FAXDC2: variants seen among roughly 807,000 people sequenced by gnomAD.
FAXDC2 encodes the protein fatty acid hydroxylase domain containing 2, also known as fatty acid hydroxylase domain-containing protein 2.
Under a neutral mutation model 40.9 loss-of-function variants are expected in FAXDC2, and 41 were observed. That is an observed-to-expected ratio of 1.00 (90% CI 0.78 to 1.30). FAXDC2 has a LOEUF of 1.30. Ranked by LOEUF, FAXDC2 falls within the 50% of genes most tolerant of loss-of-function variation. FAXDC2 has a pLI of 0.00. For missense variants in FAXDC2, 390 were observed against 408.8 expected (o/e 0.95, Z 0.40); for synonymous variants, 157 against 149.3 (o/e 1.05, Z -0.38).
chr5:154,835,282 C>CGGCGA, intron 2 of FAXDC2: 3 of 220,618 alleles, frequency 1.4e-5, no homozygotes, highest in South Asian at 7.6e-5. Flanking sequence ...AATGGAGATA[C>CGGCGA]CCATTATCTA....
chr5:154,832,422 C>T (rs113153587), intron 4 of FAXDC2, among the ~76,000 whole-genome samples: 5 of 152,240 alleles, frequency 3.3e-5, no homozygotes, highest in African/African-American at 1.2e-4. Flanking sequence ...ACCATGGTCT[C>T]GATCTCCTGA....
At chr5:154,822,445 C>A in intron 7 of FAXDC2, 27 bp downstream of exon 7, 2 of 1,560,616 alleles carry the variant, frequency 1.3e-6, no homozygotes, top group Non-Finnish European at 1.8e-6. Flanking sequence ...CTGCCCTTTG[C>A]TCTGGGGAGC....
At chr5:154,824,374 G>C in intron 5 of FAXDC2, 1 of 655,680 alleles carries the variant, frequency 1.5e-6, no homozygotes, top group South Asian at 1.7e-5. Context: ...GGTTAGAAGG[G>C]ATTTCTCCAA....
chr5:154,832,694 T>C (rs1760224359), intron 4 of FAXDC2, among the ~76,000 whole-genome samples: 1 of 152,124 alleles, frequency 6.6e-6, no homozygotes, highest in Non-Finnish European at 1.5e-5. Flanking sequence ...ATTGGAAATA[T>C]TTTCTCTCTC....
chr5:154,823,147 G>T (rs970007426), intron 6 of FAXDC2, among the ~76,000 whole-genome samples: 4 of 152,158 alleles, frequency 2.6e-5, no homozygotes, highest in Admixed American at 2.0e-4. Context: ...AAGTAGCTGG[G>T]ACTACAAGTA....
intron 4 of FAXDC2, among the ~76,000 whole-genome samples, chr5:154,833,122 C>T (rs1238838708): frequency 1.3e-5 from 2 of 151,018 alleles, no homozygotes; most frequent in Non-Finnish European, 1.5e-5. Context: ...CTGCAACCTC[C>T]ACCTCCTGAG....
intron 1 of FAXDC2, among the ~76,000 whole-genome samples, chr5:154,843,171 G>A (rs953379773): frequency 1.3e-5 from 2 of 152,204 alleles, no homozygotes; most frequent in Admixed American, 1.3e-4. Flanking sequence ...TGGGAAGGGA[G>A]TAGAGAGGAT....
chr5:154,830,779 C>CAGG (rs112084781), intron 5 of FAXDC2, 22 bp downstream of exon 5: 172,856 of 1,612,552 alleles, frequency 0.11, 11,687 homozygotes, highest in African/African-American at 0.31. Context: ...GTGCTTTGAC[C>CAGG]AGAAGTTGCA....
chr5:154,845,681 A>AC (rs1760582373), intron 1 of FAXDC2, among the ~76,000 whole-genome samples: 1 of 152,130 alleles, frequency 6.6e-6, no homozygotes, highest in Non-Finnish European at 1.5e-5. Flanking sequence ...AACAAAAAAA[A>AC]ACAAACTGGA....
rs756783732 is a variant in FAXDC2, at chr5:154,830,802, G to A, written c.365C>T (p.Pro122Leu). 2 of 1,613,972 alleles carry A rather than the reference G, an allele frequency of 1.2e-6. No homozygotes were observed. Among genetic ancestry groups the A allele is most frequent in the East Asian group, 2.2e-5 (1 of 44,896 alleles). ...ACCAGAAGTTGCAACAACACTTACA[G>A]GTTCATTCTTGCCGACCTGAATTCG... is the stretch of plus-strand genomic sequence containing the variant. Reference protein sequence around the residue: ...RYRIQVGKNEPVDPVKLRQSI... With the variant: ...RYRIQVGKNELVDPVKLRQSI... The change falls in exon 5 of 9, where the codon CCT (proline) becomes CTT (leucine). Residue 122 changes from proline (P) to leucine (L), a missense_variant and splice_region_variant. Transcript: ENST00000326080.
At chr5:154,826,580 AG>A (rs1367677815) in intron 5 of FAXDC2, among the ~76,000 whole-genome samples, 1 of 151,786 alleles carries the variant, frequency 6.6e-6, no homozygotes, top group Non-Finnish European at 1.5e-5. Flanking sequence ...CCTAGAGAGC[AG>A]GGTGTCCTGG....
At chr5:154,847,581 G>A (rs1177364647) in intron 1 of FAXDC2, among the ~76,000 whole-genome samples, 3 of 148,446 alleles carry the variant, frequency 2.0e-5, no homozygotes, top group Non-Finnish European at 3.0e-5. Flanking sequence ...TCTGCCTCCC[G>A]GGTTCAAGCG....
Position 154,820,396 on chromosome 5 carries a change from C to T in FAXDC2, c.922G>A (p.Ala308Thr), listed in dbSNP as rs1213467400. 8 of 1,612,926 alleles carry T rather than the reference C, an allele frequency of 5.0e-6. No individual in the cohort carries two copies. The highest frequency in any genetic ancestry group is 6.8e-6 in the Non-Finnish European group (8 of 1,179,870). Reference sequence around the variant, plus strand: ...AGCAGGAGGACATGTCTCTCGTAGGCCTTGGTCTGCTTGAACATGGTGTCA... The same window carrying T: ...AGCAGGAGGACATGTCTCTCGTAGGTCTTGGTCTGCTTGAACATGGTGTCA... ...GTDTMFKQTK[A>T]YERHVLLLGF... is the part of the protein sequence containing the mutation. The change falls in exon 9 of 9, where the codon GCC (alanine) becomes ACC (threonine). Residue 308 changes from alanine to threonine, a missense_variant. Physicochemically the swap from Ala to Thr is moderately conservative, Grantham distance 58 (BLOSUM62 0). Transcript: ENST00000326080.
At chr5:154,829,698 A>T (rs1355725704) in intron 5 of FAXDC2, among the ~76,000 whole-genome samples, 1 of 152,224 alleles carries the variant, frequency 6.6e-6, no homozygotes, top group African/African-American at 2.4e-5. Flanking sequence ...CATTTGAATC[A>T]TAGTTTACCC....
rs1463056025 is a variant in FAXDC2 at position 154,820,163 on chromosome 5, G to A, written c.*153C>T. On this transcript the variant is annotated 3_prime_UTR_variant, in exon 9 of 9. Transcript: ENST00000326080. ...TAGTTTGAAGAAAGCCTCATCCTTG[G>A]CCCTGCTTTTCCGGGAAGCCGACCT... 3 of 625,608 alleles carry A rather than the reference G, an allele frequency of 4.8e-6. No individual in the cohort carries two copies. The highest frequency in any genetic ancestry group is 3.7e-5 in the African/African-American group (2 of 53,842). 38.8% of individuals were successfully genotyped at this position (625,608 alleles called of 1,614,324 possible). A position where few individuals can be genotyped will look rare whatever the true frequency, so the allele number is the denominator to read the frequency against.
chr5:154,825,928 G>A (rs531213004), intron 5 of FAXDC2, among the ~76,000 whole-genome samples: 4 of 152,070 alleles, frequency 2.6e-5, no homozygotes, highest in African/African-American at 9.7e-5. Context: ...AAAGGCTTTG[G>A]CAGGACGATC....
Position 154,849,120 on chromosome 5 carries a change from A to G in FAXDC2, c.-1+1363T>C, listed in dbSNP as rs1023022094. 3.9e-5 allele frequency among the ~76,000 whole-genome samples: 6 copies of G among 152,046 alleles called. No individual in the cohort carries two copies. The East Asian group carries it at 1.2e-3, about 29-fold the overall frequency. On this transcript the variant is annotated intron_variant, in intron 1 of 8. Transcript: ENST00000326080. ...CATGGTGAAACCCCATCTCTACTAA[A>G]AATACGAAAATTAGCTGGGTGTGGT...
At chr5:154,844,404 GAAAC>G (rs909729932) in intron 1 of FAXDC2, among the ~76,000 whole-genome samples, 6 of 149,604 alleles carry the variant, frequency 4.0e-5, no homozygotes, top group African/African-American at 1.5e-4. Flanking sequence ...AAAAGAAAAA[GAAAC>G]AAGTACATAT....
intron 1 of FAXDC2, among the ~76,000 whole-genome samples, chr5:154,848,127 CCA>C (rs1477925077): frequency 2.6e-5 from 4 of 152,246 alleles, no homozygotes; most frequent in Non-Finnish European, 5.9e-5. Context: ...GCGTGAGCCA[CCA>C]TGCCCGGCCT....
Sources: gnomAD v4.1 joint callset for allele counts (sites outside exome capture counted in the v4.1 genomes callset) on GRCh38, gnomAD v4.1.1 for gene constraint, MANE v1.5 for transcripts, NCBI Gene and HGNC (gene_info 2026-07-23, HGNC 2026-07-21) for gene names.